MYLK: variants seen among roughly 807,000 people sequenced by gnomAD.
The protein encoded by MYLK is myosin light chain kinase, smooth muscle.
Under a neutral mutation model 203.4 loss-of-function variants are expected in MYLK, and 106 were observed. The observed-to-expected ratio is 0.52, with a 90% CI of 0.45 to 0.61. The LOEUF is 0.61. MYLK is among the 20% of genes least tolerant of loss of function. MYLK has a pLI of 0.00. For missense variants in MYLK, 2,072 were observed against 2,442.3 expected, an observed-to-expected ratio of 0.85 and a Z score of 3.20; for synonymous variants, 867 against 959.5, an observed-to-expected ratio of 0.90 and a Z score of 1.78.
intron 2 of MYLK, among the ~76,000 whole-genome samples, chr3:123,870,007 C>G (rs1386621521): frequency 6.6e-6 from 1 of 152,086 alleles, no homozygotes; most frequent in Non-Finnish European, 1.5e-5. Flanking sequence ...CACTTAGGAG[C>G]CAGAAGGGCA....
chr3:123,845,428 G>A (rs2066691162), intron 2 of MYLK, among the ~76,000 whole-genome samples: 1 of 152,150 alleles, frequency 6.6e-6, no homozygotes. Context: ...CCACCTCAGG[G>A]ACAGAGTTCA....
chr3:123,700,172 G>C lies in MYLK; in HGVS notation c.3296C>G (p.Ala1099Gly). ...KRSESQGTAPAFKQKLQDVHV... is the reference protein window; with the variant it reads ...KRSESQGTAPGFKQKLQDVHV... ...AACATCTTGCAGCTTCTGCTTGAAG[G>C]CTGGGGCTGTCCCCTGGCTCTCTGA... Residue 1099 changes from alanine (A) to glycine (G), a missense_variant, in exon 18 of 34, where the codon GCC (alanine) becomes GGC (glycine). Coordinates refer to ENST00000360304, the MANE Select transcript of MYLK (RefSeq NM_053025.4). 6.2e-7 allele frequency: 1 copy of C among 1,613,928 alleles called. No homozygotes were observed. The highest frequency in any genetic ancestry group is 8.5e-7 in the Non-Finnish European group (1 of 1,179,986).
chr3:123,737,741 G>A (rs1346773970), intron 7 of MYLK, among the ~76,000 whole-genome samples, 198 bp from the exon 8 acceptor site: 4 of 152,200 alleles, frequency 2.6e-5, no homozygotes, highest in Admixed American at 6.5e-5. Flanking sequence ...TGGATGTGGT[G>A]TGGTGCTCTG....
chr3:123,710,478 T>G (rs2061647937), intron 13 of MYLK, among the ~76,000 whole-genome samples: 1 of 152,228 alleles, frequency 6.6e-6, no homozygotes, highest in Non-Finnish European at 1.5e-5. Context: ...TCGATAATTA[T>G]ATGGTGCTCC....
chr3:123,852,122 T>G (rs1484596988), intron 2 of MYLK, among the ~76,000 whole-genome samples: 2 of 152,228 alleles, frequency 1.3e-5, no homozygotes, highest in Non-Finnish European at 2.9e-5. Flanking sequence ...ATAAGCTTTT[T>G]GATGTGCTGC....
intron 2 of MYLK, among the ~76,000 whole-genome samples, chr3:123,873,083 G>A (rs1433456983): frequency 6.6e-6 from 1 of 152,000 alleles, no homozygotes; most frequent in African/African-American, 2.4e-5. Context: ...AACTCCCAGG[G>A]TTTTAGAAGC....
chr3:123,735,100 G>T, intron 9 of MYLK: 1 of 427,750 alleles, frequency 2.3e-6, no homozygotes, highest in South Asian at 2.2e-5. Context: ...GAGGAAGGCG[G>T]CCTTCTCAGA....
chr3:123,780,976 A>G (rs971283294), intron 4 of MYLK, among the ~76,000 whole-genome samples: 3 of 152,210 alleles, frequency 2.0e-5, no homozygotes, highest in African/African-American at 7.2e-5. Context: ...GAAAAGTGGG[A>G]TGGGCTCCCT....
In MYLK at chr3:123,613,333, G is replaced by T. The variant is rs1196350237; in HGVS notation, c.*772C>A. 9.7e-6 allele frequency: 1 copy of T among 102,756 alleles called. No homozygotes were observed. Among genetic ancestry groups the T allele is most frequent in the African/African-American group, 2.8e-5 (1 of 35,814 alleles). 6.4% of individuals were successfully genotyped at this position (102,756 alleles called of 1,614,324 possible). ...CTGGTTTACAAAGGAAACCACATTA[G>T]CAAGGATTTTTTTTTTCCCATGGGT... On this transcript the variant is annotated 3_prime_UTR_variant, in exon 34 of 34. Coordinates refer to ENST00000360304, the MANE Select transcript of MYLK (RefSeq NM_053025.4).
intron 32 of MYLK, 24 bp from the exon 33 acceptor site, chr3:123,618,794 G>A: frequency 6.2e-7 from 1 of 1,613,746 alleles, no homozygotes; most frequent in Non-Finnish European, 8.5e-7. Flanking sequence ...AAGAAGACCA[G>A]GTCATTTCTT....
chr3:123,791,132 TGGAG>T (rs2064763903), intron 4 of MYLK, among the ~76,000 whole-genome samples: 1 of 152,106 alleles, frequency 6.6e-6, no homozygotes, highest in African/African-American at 2.4e-5. Flanking sequence ...TCCCAGGACC[TGGAG>T]GGAGGGGTCA....
chr3:123,798,893 T>G (rs2065087323), intron 3 of MYLK, among the ~76,000 whole-genome samples: 1 of 152,140 alleles, frequency 6.6e-6, no homozygotes, highest in African/African-American at 2.4e-5. Flanking sequence ...GAAAAAAAAT[T>G]AATAATAAAG....
intron 3 of MYLK, among the ~76,000 whole-genome samples, chr3:123,819,813 G>A (rs1394978068): frequency 1.6e-5 from 2 of 128,878 alleles, no homozygotes; most frequent in Non-Finnish European, 1.6e-5. Context: ...TTTTTTTGCA[G>A]GGGGCATTCT....
intron 5 of MYLK, among the ~76,000 whole-genome samples, chr3:123,751,059 T>A (rs1012996446): frequency 6.6e-6 from 1 of 152,202 alleles, no homozygotes; most frequent in African/African-American, 2.4e-5. Context: ...ACTACCTTAA[T>A]TCTCCATCTA....
At chr3:123,637,938 C>T in intron 29 of MYLK, 133 bp downstream of exon 29, 1 of 1,364,010 alleles carries the variant, frequency 7.3e-7, no homozygotes, top group Non-Finnish European at 1.0e-6. Flanking sequence ...AGCCTGCCAC[C>T]CTCCTGACTC....
intron 3 of MYLK, among the ~76,000 whole-genome samples, chr3:123,829,524 T>G (rs540120080): frequency 2.0e-5 from 3 of 152,184 alleles, no homozygotes; most frequent in Non-Finnish European, 4.4e-5. Context: ...GTTCTACTGT[T>G]CTATACCATG....
intron 8 of MYLK, chr3:123,735,680 G>A: frequency 8.9e-6 from 4 of 449,592 alleles, no homozygotes; most frequent in Non-Finnish European, 1.6e-5. Flanking sequence ...TCACTAAACA[G>A]AAGGAAAAAA....
intron 1 of MYLK, among the ~76,000 whole-genome samples, chr3:123,880,377 C>T (rs964463512): frequency 2.6e-5 from 4 of 152,126 alleles, no homozygotes; most frequent in Non-Finnish European, 4.4e-5. Flanking sequence ...CCCCAAGTTG[C>T]AGGTGTTCGG....
chr3:123,737,624 G>C, intron 7 of MYLK, 81 bp from the exon 8 acceptor site: 1 of 1,574,366 alleles, frequency 6.4e-7, no homozygotes, highest in South Asian at 1.1e-5. Flanking sequence ...GCCAATCCTA[G>C]TGGGATAGAC....
Sources: allele counts gnomAD v4.1 joint callset (sites outside exome capture counted in the v4.1 genomes callset), GRCh38; gene constraint gnomAD v4.1.1; transcripts MANE v1.5; gene names NCBI Gene and HGNC (gene_info 2026-07-23, HGNC 2026-07-21).